The following SOAT1 variants were observed in gnomAD, a reference collection of about 807,000 sequenced individuals.
SOAT1 encodes the protein acyl-coenzyme A:cholesterol acyltransferase 1.
In SOAT1, 55 loss-of-function variants were observed where a neutral mutation model predicts 69.5. That is an observed-to-expected ratio of 0.79 (90% CI 0.64 to 0.99). SOAT1 has a LOEUF of 0.99. SOAT1 is among the 50% of genes least tolerant of loss of function. The probability of loss-of-function intolerance (pLI) is 0.00; values close to 1 mark genes in which losing one functional copy is unlikely to be tolerated. For missense variants in SOAT1, 580 were observed against 669.3 expected, an observed-to-expected ratio of 0.87 and a Z score of 1.47; for synonymous variants, 231 against 224.7, an observed-to-expected ratio of 1.03 and a Z score of -0.25.
intron 11 of SOAT1, among the ~76,000 whole-genome samples, chr1:179,345,591 C>T (rs1385825218): frequency 1.3e-5 from 2 of 148,250 alleles, no homozygotes; most frequent in African/African-American, 4.9e-5. Context: ...GAAATCGGGT[C>T]TCTCTTTGTC....
chr1:179,324,481 A>G (rs990816072), intron 3 of SOAT1, among the ~76,000 whole-genome samples: 1 of 152,222 alleles, frequency 6.6e-6, no homozygotes, highest in African/African-American at 2.4e-5. Context: ...ATTTGTGATG[A>G]CTGCAATGTA....
At chr1:179,344,021 T>G (rs1466849571) in intron 10 of SOAT1, among the ~76,000 whole-genome samples, 1 of 152,028 alleles carries the variant, frequency 6.6e-6, no homozygotes, top group Non-Finnish European at 1.5e-5. Flanking sequence ...CTCAGGAGGC[T>G]GAGGCAGGAG....
intron 15 of SOAT1, among the ~76,000 whole-genome samples, chr1:179,352,981 C>T (rs886236246): frequency 6.6e-6 from 1 of 150,694 alleles, no homozygotes; most frequent in Non-Finnish European, 1.5e-5. Flanking sequence ...CCTCTCTTTC[C>T]TATTTCTGAA....
At position 179,324,303 on chromosome 1, in the gene SOAT1, A is replaced by G. The variant is rs143587681; in HGVS notation, c.177+808A>G. Among the ~76,000 whole-genome samples, 352 of 152,264 alleles carry G rather than the reference A, an allele frequency of 2.3e-3. 2 individuals are homozygous for G. Among genetic ancestry groups the G allele is most frequent in the Non-Finnish European group, 3.7e-3 (254 of 68,018 alleles). On this transcript the variant is annotated intron_variant, in intron 3 of 15. Coordinates refer to ENST00000367619, the MANE Select transcript of SOAT1 (RefSeq NM_003101.6). ...TTGTTATTATCAGACCTAGTTTTTC[A>G]GTTATCATCCAAGGCCAGGGGCATA...
chr1:179,294,332 C>T (rs1664555407), intron 1 of SOAT1: 1 of 152,156 alleles, frequency 6.6e-6, no homozygotes, highest in African/African-American at 2.4e-5. Flanking sequence ...ATTAGCAAGA[C>T]ATGAAAATCT....
At chr1:179,327,129 T>C (rs1665822372) in intron 3 of SOAT1, among the ~76,000 whole-genome samples, 1 of 152,198 alleles carries the variant, frequency 6.6e-6, no homozygotes, top group South Asian at 2.1e-4. Flanking sequence ...ATTGGTCACA[T>C]TTTTTTAGTT....
At chr1:179,325,528 C>T (rs1665759494) in intron 3 of SOAT1, among the ~76,000 whole-genome samples, 1 of 152,130 alleles carries the variant, frequency 6.6e-6, no homozygotes, top group Non-Finnish European at 1.5e-5. Flanking sequence ...AGGATACCTA[C>T]ATTTTTGTTA....
intron 5 of SOAT1, among the ~76,000 whole-genome samples, chr1:179,339,040 T>C (rs1425468978): frequency 9.2e-5 from 14 of 152,178 alleles, no homozygotes; most frequent in Non-Finnish European, 1.0e-4. Flanking sequence ...GTAAAATCTT[T>C]GTAAATGGTT....
At chr1:179,323,220 G>A (rs1032670574) in intron 2 of SOAT1, among the ~76,000 whole-genome samples, 10 of 151,816 alleles carry the variant, frequency 6.6e-5, no homozygotes, top group Admixed American at 3.9e-4. Flanking sequence ...AATTAACATC[G>A]TTGTAATTAC....
chr1:179,335,015 CAAAAAAAAAAAAAAA>C (rs10603546), intron 3 of SOAT1, among the ~76,000 whole-genome samples: 1 of 73,562 alleles, frequency 1.4e-5, no homozygotes, highest in Admixed American at 1.5e-4. Flanking sequence ...AACTCCATCT[CAAAAAAAAAAAAAAA>C]AAAAAAAGAA....
At chr1:179,297,962 A>G (rs1376008930) in intron 1 of SOAT1, among the ~76,000 whole-genome samples, 1 of 149,332 alleles carries the variant, frequency 6.7e-6, no homozygotes, top group Admixed American at 6.7e-5. Flanking sequence ...AGATCGTGCC[A>G]TTGCACTCCA....
chr1:179,329,040 T>G, intron 3 of SOAT1, among the ~76,000 whole-genome samples: 1 of 109,074 alleles, frequency 9.2e-6, no homozygotes, highest in South Asian at 3.8e-4. Flanking sequence ...AGCCAGACTT[T>G]GTCTTCAAAA....
At chr1:179,297,694 A>ACTG (rs1382912448) in intron 1 of SOAT1, among the ~76,000 whole-genome samples, 1 of 144,826 alleles carries the variant, frequency 6.9e-6, no homozygotes, top group African/African-American at 2.6e-5. Context: ...AGATCATGCC[A>ACTG]CTGCACTTCA....
At chr1:179,315,315 G>A (rs576342592) in intron 2 of SOAT1, among the ~76,000 whole-genome samples, 1 of 151,942 alleles carries the variant, frequency 6.6e-6, no homozygotes, top group Non-Finnish European at 1.5e-5. Context: ...GGGTGTGGTG[G>A]CATGTGAGTG....
intron 2 of SOAT1, among the ~76,000 whole-genome samples, chr1:179,322,838 C>G (rs1306155019): frequency 6.6e-6 from 1 of 152,090 alleles, no homozygotes; most frequent in Non-Finnish European, 1.5e-5. Flanking sequence ...TATGTGTGGT[C>G]CCTAGTTTTA....
chr1:179,339,900 T>A (rs969361875), intron 6 of SOAT1, among the ~76,000 whole-genome samples: 3 of 152,198 alleles, frequency 2.0e-5, no homozygotes, highest in African/African-American at 7.2e-5. Context: ...TCTGTATCCA[T>A]GGGTTCTACA....
chr1:179,347,112 A>G (rs1375377765), intron 11 of SOAT1, among the ~76,000 whole-genome samples: 1 of 151,588 alleles, frequency 6.6e-6, no homozygotes, highest in East Asian at 1.9e-4. Flanking sequence ...TAATCCTAGC[A>G]CTTCGGGAGG....
chr1:179,312,551 C>G (rs1371852866), intron 2 of SOAT1, among the ~76,000 whole-genome samples: 1 of 152,186 alleles, frequency 6.6e-6, no homozygotes, highest in Non-Finnish European at 1.5e-5. Flanking sequence ...CCTTTTGCCT[C>G]TCCAGTCTTT....
chr1:179,345,089 C>T lies in SOAT1; in HGVS notation c.1117+13C>T. ...TCCATCTTGCCAGGTAACATGGGTA[C>T]TTGTTAATTTGGTCATGCATAAATT... On this transcript the variant is annotated intron_variant, in intron 11 of 15. Transcript: ENST00000367619. The T allele has an allele frequency of 6.2e-7, 1 of 1,612,536 alleles. No individual in the cohort carries two copies. Among genetic ancestry groups the T allele is most frequent in the Non-Finnish European group, 8.5e-7 (1 of 1,178,986 alleles).
Sources: gnomAD v4.1 joint callset for allele counts (sites outside exome capture counted in the v4.1 genomes callset) on GRCh38, gnomAD v4.1.1 for gene constraint, MANE v1.5 for transcripts, NCBI Gene and HGNC (gene_info 2026-07-23, HGNC 2026-07-21) for gene names.